Variants in FBXO11 observed in about 807,000 individuals in gnomAD.
The protein encoded by FBXO11 is F-box protein 11.
In FBXO11, 13 loss-of-function variants were observed where a neutral mutation model predicts 117.0. That is an observed-to-expected ratio of 0.11 (90% CI 0.07 to 0.18). The LOEUF (loss-of-function observed/expected upper bound fraction) is 0.18, where lower values mean the gene tolerates loss of function less well. Among genes scored for constraint, FBXO11 ranks in the 10% least tolerant of loss-of-function variants. The pLI, the probability that FBXO11 is intolerant of heterozygous loss-of-function variation, is 1.00. For synonymous variants in FBXO11, 490 were observed against 380.5 expected, an observed-to-expected ratio of 1.29 and a Z score of -3.35; for missense variants, 767 against 1,164.4, an observed-to-expected ratio of 0.66 and a Z score of 4.97.
Position 47,839,673 on chromosome 2 carries a change from C to T in FBXO11, c.329G>A (p.Arg110Lys). The T allele has an allele frequency of 3.7e-6, 6 of 1,614,080 alleles. No homozygotes were observed. The highest frequency in any genetic ancestry group is 5.1e-6 in the Non-Finnish European group (6 of 1,180,002). The change falls in exon 2 of 23, where the codon AGA becomes AAA. Residue 110 changes from arginine to lysine, a missense_variant. Coordinates refer to ENST00000403359, the MANE Select transcript of FBXO11 (RefSeq NM_001190274.2). ...ACTGTTCTTTGTGGGACACGCTGTT[C>T]TTTTCGGCAAAAGAGTTTTTCTACG... ...QLRRKTLLPKRTACPTKNSME... is the reference protein window; with the variant it reads ...QLRRKTLLPKKTACPTKNSME...
chr2:47,866,245 CAA>C (rs57654823), intron 1 of FBXO11, among the ~76,000 whole-genome samples: 22 of 58,428 alleles, frequency 3.8e-4, no homozygotes, highest in African/African-American at 5.4e-4. Context: ...CCTTCTGCTT[CAA>C]AAAAAAAAAA....
At chr2:47,827,336 A>T (rs1437309235) in intron 11 of FBXO11, among the ~76,000 whole-genome samples, 1 of 152,056 alleles carries the variant, frequency 6.6e-6, no homozygotes, top group Non-Finnish European at 1.5e-5. Context: ...TTTGAGACAG[A>T]GTGTCTGTCG....
intron 1 of FBXO11, among the ~76,000 whole-genome samples, chr2:47,854,273 A>G (rs1433732694): frequency 6.6e-6 from 1 of 150,584 alleles, no homozygotes; most frequent in Non-Finnish European, 1.5e-5. Context: ...TTTTTTTTAA[A>G]CCTACCTATC....
intron 1 of FBXO11, among the ~76,000 whole-genome samples, chr2:47,870,233 A>T (rs1354950702): frequency 6.6e-6 from 1 of 152,240 alleles, no homozygotes; most frequent in Non-Finnish European, 1.5e-5. Context: ...AATTAGTGTT[A>T]TTGCTACTTA....
chr2:47,836,930 G>T, intron 4 of FBXO11: 1 of 375,802 alleles, frequency 2.7e-6, no homozygotes, highest in Non-Finnish European at 5.2e-6. Flanking sequence ...TAGAAATGAG[G>T]TCCCAGTATG....
At chr2:47,898,750 A>G (rs1197512076) in intron 1 of FBXO11, among the ~76,000 whole-genome samples, 1 of 152,224 alleles carries the variant, frequency 6.6e-6, no homozygotes, top group Non-Finnish European at 1.5e-5. Flanking sequence ...GACAGATGGT[A>G]TAGAACAGGG....
chr2:47,855,347 G>C (rs1287661341), intron 1 of FBXO11, among the ~76,000 whole-genome samples: 1 of 151,960 alleles, frequency 6.6e-6, no homozygotes, highest in Non-Finnish European at 1.5e-5. Flanking sequence ...GGGACCAAAG[G>C]CGCACATTTG....
chr2:47,821,714 G>C (rs1031906473), intron 13 of FBXO11, among the ~76,000 whole-genome samples: 3 of 152,152 alleles, frequency 2.0e-5, no homozygotes, highest in African/African-American at 7.2e-5. Context: ...GAACCTGGGA[G>C]GCAGGGGTTG....
At chr2:47,893,539 G>A (rs1677426424) in intron 1 of FBXO11, among the ~76,000 whole-genome samples, 1 of 152,012 alleles carries the variant, frequency 6.6e-6, no homozygotes, top group African/African-American at 2.4e-5. Flanking sequence ...AAAACCAGAA[G>A]ACAATGAAAA....
chr2:47,808,470 T>C, intron 21 of FBXO11, 43 bp from the exon 22 acceptor site: 1 of 1,497,038 alleles, frequency 6.7e-7, no homozygotes, highest in Non-Finnish European at 9.0e-7. Context: ...AACATGTCAT[T>C]AATGCAAAAC....
chr2:47,856,263 C>A (rs1162269104), intron 1 of FBXO11, among the ~76,000 whole-genome samples: 1 of 152,128 alleles, frequency 6.6e-6, no homozygotes, highest in African/African-American at 2.4e-5. Context: ...GATTTCCAGA[C>A]ACACAGAGAC....
Position 47,809,678 on chromosome 2 carries a change from T to C in FBXO11, c.2368A>G (p.Thr790Ala), listed in dbSNP as rs1184195737. The C allele has an allele frequency of 1.2e-6, 2 of 1,613,424 alleles. No homozygotes were observed. Among genetic ancestry groups the C allele is most frequent in the Non-Finnish European group, 8.5e-7 (1 of 1,179,788 alleles). ...GIEITNHATATLEGNQIFNNR... is the reference protein window; with the variant it reads ...GIEITNHATAALEGNQIFNNR... ...TTAAAAATCTGATTGCCTTCTAGTG[T>C]TGCAGTTGCGTGATTTGTAATTTCA... The change falls in exon 20 of 23, where the codon ACA becomes GCA. Residue 790 changes from threonine to alanine, a missense_variant. Physicochemically the swap from Thr to Ala is moderately conservative, Grantham distance 58. Transcript: ENST00000403359.
At position 47,807,916 on chromosome 2, in the gene FBXO11, A is replaced by G; in HGVS notation, c.*202T>C. 1.9e-6 allele frequency: 1 copy of G among 529,260 alleles called. No homozygotes were observed. The highest frequency in any genetic ancestry group is 3.1e-5 in the East Asian group (1 of 32,368). The allele number at this position is 529,260 out of a possible 1,614,324, so 32.8% of individuals were successfully genotyped here. ...TCAAGTCTTTACACAGTAATGCTAA[A>G]ACACCCAGCTTTGAGATCCTGAGTC... is the stretch of plus-strand genomic sequence containing the variant. On this transcript the variant is annotated 3_prime_UTR_variant, in exon 23 of 23. Coordinates refer to ENST00000403359, the MANE Select transcript of FBXO11 (RefSeq NM_001190274.2).
intron 1 of FBXO11, among the ~76,000 whole-genome samples, chr2:47,854,874 T>C (rs1440710708): frequency 7.1e-6 from 1 of 140,906 alleles, no homozygotes; most frequent in Non-Finnish European, 1.6e-5. Flanking sequence ...TTTTTTTTTT[T>C]AGTGGAAAAA....
chr2:47,836,078 TTA>T, intron 4 of FBXO11, 77 bp from the exon 5 acceptor site: 1 of 1,033,626 alleles, frequency 9.7e-7, no homozygotes, highest in East Asian at 2.7e-5. Context: ...ACTATAACAA[TTA>T]TTTGAGGCCT....
intron 1 of FBXO11, among the ~76,000 whole-genome samples, chr2:47,876,401 T>C (rs1676009219): frequency 6.6e-6 from 1 of 152,248 alleles, no homozygotes; most frequent in African/African-American, 2.4e-5. Flanking sequence ...TGGTTTACTA[T>C]TCTTGCTGAA....
At position 47,809,187 on chromosome 2, in the gene FBXO11, A is replaced by G. The variant is rs763533086; in HGVS notation, c.2526T>C (p.Tyr842=). 5.6e-6 allele frequency: 9 copies of G among 1,602,166 alleles called. No individual in the cohort carries two copies. In the East Asian group the frequency reaches 1.1e-4, roughly 20 times the overall value. Residue 842 remains tyrosine, a synonymous_variant, in exon 21 of 23, where the codon TAT becomes TAC. Coordinates refer to ENST00000403359, the MANE Select transcript of FBXO11 (RefSeq NM_001190274.2). ...AGAAATCATGCATGGGATAGCTGGT[A>G]TAACTTGATATTTTATATAAACATT... is the stretch of plus-strand genomic sequence containing the variant. ...RGQCLYKISS[Y]TSYPMHDFYR...
At chr2:47,845,057 T>C (rs867249043) in intron 1 of FBXO11, among the ~76,000 whole-genome samples, 99 of 152,314 alleles carry the variant, frequency 6.5e-4, no homozygotes, top group African/African-American at 2.3e-3. Context: ...CAAAAGTACA[T>C]TCTCAAACTT....
intron 7 of FBXO11, among the ~76,000 whole-genome samples, chr2:47,833,945 G>A (rs1672364489): frequency 6.6e-6 from 1 of 152,080 alleles, no homozygotes. Context: ...TGGGTTTACA[G>A]GTGTGAGCCA....
Sources: gnomAD v4.1 joint callset for allele counts (sites outside exome capture counted in the v4.1 genomes callset) on GRCh38, gnomAD v4.1.1 for gene constraint, MANE v1.5 for transcripts, NCBI Gene and HGNC (gene_info 2026-07-23, HGNC 2026-07-21) for gene names.